TBX5: variants seen among roughly 807,000 people sequenced by gnomAD.
TBX5 encodes the protein T-box transcription factor TBX5.
In TBX5, 8 loss-of-function variants were observed where a neutral mutation model predicts 51.1. The ratio of observed to expected loss-of-function variants is 0.16; its 90% confidence interval spans 0.09 to 0.28. TBX5 has a LOEUF of 0.28. Among genes scored for constraint, TBX5 ranks in the 10% least tolerant of loss-of-function variants. TBX5 has a pLI of 1.00. For missense variants in TBX5, 589 were observed against 671.7 expected (o/e 0.88, Z 1.36); for synonymous variants, 302 against 266.4 (o/e 1.13, Z -1.30).
chr12:114,394,687 T>C (rs1004871941), intron 6 of TBX5, 54 bp downstream of exon 6: 184 of 1,612,460 alleles, frequency 1.1e-4, no homozygotes, highest in Non-Finnish European at 1.5e-4. Flanking sequence ...TGCAGATTCA[T>C]GCAAAAGAAA....
upstream of TBX5, chr12:114,408,045 GAGGCAACC>G (rs1280247336): frequency 1.0e-6 from 1 of 985,316 alleles, no homozygotes; most frequent in Non-Finnish European, 1.2e-6. Context: ...GTAAAATAAA[GAGGCAACC>G]AGGCGATAGC....
At chr12:114,361,376 A>G (rs111989357) in intron 8 of TBX5, among the ~76,000 whole-genome samples, 247 of 152,322 alleles carry the variant, frequency 1.6e-3, no homozygotes, top group African/African-American at 5.5e-3. Flanking sequence ...TATCTGATTC[A>G]GCTCATGGCT....
intron 8 of TBX5, among the ~76,000 whole-genome samples, chr12:114,358,536 A>C (rs560349693): frequency 2.0e-5 from 3 of 152,140 alleles, no homozygotes; most frequent in African/African-American, 7.2e-5. Flanking sequence ...GTATCCACAA[A>C]CAAAACATAT....
At chr12:114,397,200 G>A (rs1871480276) in intron 5 of TBX5, among the ~76,000 whole-genome samples, 1 of 151,684 alleles carries the variant, frequency 6.6e-6, no homozygotes, top group East Asian at 1.9e-4. Context: ...CCCTGAAATC[G>A]GCGACCATGC....
chr12:114,407,852 A>G (rs888795641), upstream of TBX5: 42 of 985,450 alleles, frequency 4.3e-5, no homozygotes, highest in African/African-American at 7.1e-4. Flanking sequence ...CGCAAAAGCC[A>G]GGAGTGCGCC....
chr12:114,369,811 A>AATC (rs1235861846), intron 7 of TBX5, among the ~76,000 whole-genome samples: 5 of 151,050 alleles, frequency 3.3e-5, no homozygotes, highest in African/African-American at 1.2e-4. Context: ...CTCTTTTTTT[A>AATC]ATCATCATCA....
chr12:114,404,603 T>C (rs113306626), intron 1 of TBX5, among the ~76,000 whole-genome samples: 1,732 of 152,174 alleles, frequency 0.011, 25 homozygotes, highest in African/African-American at 0.04. Flanking sequence ...CTTTTCTTTA[T>C]CCCAACCTTA....
chr12:114,366,336 G>T lies in TBX5; in HGVS notation c.811C>A (p.His271Asn). The T allele has an allele frequency of 6.2e-7, 1 of 1,614,086 alleles. No homozygotes were observed. The highest frequency in any genetic ancestry group is 8.5e-7 in the Non-Finnish European group (1 of 1,180,016). ...CGAGACTCGCTGCTGAAAGGACTGT[G>T]GTTGGAGGCCACTTTTTGCCTCACG... Reference protein sequence around the residue: ...STVRQKVASNHSPFSSESRAL... With the variant: ...STVRQKVASNNSPFSSESRAL... Residue 271 changes from histidine to asparagine, a missense_variant, in exon 8 of 9, where the codon CAC (histidine) becomes AAC (asparagine). Coordinates refer to ENST00000405440, the MANE Select transcript of TBX5 (RefSeq NM_181486.4).
chr12:114,369,562 G>A (rs1179515459), intron 7 of TBX5, among the ~76,000 whole-genome samples: 1 of 152,156 alleles, frequency 6.6e-6, no homozygotes, highest in African/African-American at 2.4e-5. Context: ...GAAAGAAAAT[G>A]TTAGAATCAA....
chr12:114,382,059 G>A (rs1362667143), intron 7 of TBX5, among the ~76,000 whole-genome samples: 1 of 152,186 alleles, frequency 6.6e-6, no homozygotes, highest in Non-Finnish European at 1.5e-5. Flanking sequence ...AGATGGTTAG[G>A]ACAGCCAATT....
intron 6 of TBX5, among the ~76,000 whole-genome samples, chr12:114,394,359 C>A (rs1231401411): frequency 1.3e-5 from 2 of 152,214 alleles, no homozygotes; most frequent in Non-Finnish European, 1.5e-5. Flanking sequence ...AGAAAACTGA[C>A]CCCAGCAGAA....
chr12:114,401,903 T>A lies in TBX5; in HGVS notation c.165A>T (p.Lys55Asn). Reference sequence around the variant, plus strand: ...ACAGTTCTCTTTCATGGAGAAACACTTTGATTCCCTCCATGCCCTGCAAGA... The same window carrying A: ...ACAGTTCTCTTTCATGGAGAAACACATTGATTCCCTCCATGCCCTGCAAGA... ...AFTQQGMEGIKVFLHERELWL... is the reference protein window; with the variant it reads ...AFTQQGMEGINVFLHERELWL... Residue 55 changes from lysine (K) to asparagine (N), a missense_variant, in exon 3 of 9, where the codon AAA becomes AAT. Physicochemically the swap from Lys to Asn is moderately conservative, Grantham distance 94. Coordinates refer to ENST00000405440, the MANE Select transcript of TBX5 (RefSeq NM_181486.4). The A allele has an allele frequency of 6.2e-7, 1 of 1,614,186 alleles. No homozygotes were observed. The highest frequency in any genetic ancestry group is 8.5e-7 in the Non-Finnish European group (1 of 1,180,028).
intron 8 of TBX5, among the ~76,000 whole-genome samples, chr12:114,364,416 G>T (rs1869400532): frequency 6.6e-6 from 1 of 152,112 alleles, no homozygotes; most frequent in African/African-American, 2.4e-5. Flanking sequence ...TGACATCTCT[G>T]CACCAAGCCT....
At chr12:114,398,785 G>A in intron 4 of TBX5, 65 bp from the exon 5 acceptor site, 1 of 1,552,486 alleles carries the variant, frequency 6.4e-7, no homozygotes, top group Non-Finnish European at 8.7e-7. Context: ...CTGCACCGAA[G>A]CGTGCTTCAG....
intron 6 of TBX5, among the ~76,000 whole-genome samples, chr12:114,389,659 C>T (rs1871041814): frequency 7.2e-6 from 1 of 139,214 alleles, no homozygotes; most frequent in African/African-American, 2.7e-5. Flanking sequence ...GAGGCTGAGG[C>T]AGGAGAATGG....
intron 7 of TBX5, among the ~76,000 whole-genome samples, 191 bp downstream of exon 7, chr12:114,385,285 C>T (rs978444735): frequency 3.3e-5 from 5 of 152,170 alleles, no homozygotes; most frequent in Admixed American, 1.3e-4. Context: ...CTCCAGGTTG[C>T]CCAATGGCGC....
intron 7 of TBX5, among the ~76,000 whole-genome samples, chr12:114,380,012 G>C (rs961703314): frequency 6.6e-6 from 1 of 152,064 alleles, no homozygotes; most frequent in African/African-American, 2.4e-5. Flanking sequence ...CTGGCTTTCA[G>C]AGATCTTCAG....
chr12:114,391,839 G>A (rs1435236682), intron 6 of TBX5, among the ~76,000 whole-genome samples: 1 of 152,146 alleles, frequency 6.6e-6, no homozygotes, highest in East Asian at 1.9e-4. Context: ...GTTTGCAGGG[G>A]CCCTGCACTT....
At chr12:114,404,531 T>G (rs1872071735) in intron 1 of TBX5, among the ~76,000 whole-genome samples, 1 of 152,102 alleles carries the variant, frequency 6.6e-6, no homozygotes, top group African/African-American at 2.4e-5. Context: ...CAAAAGAGAA[T>G]TCATATACAC....
Sources: gnomAD v4.1 joint callset for allele counts (sites outside exome capture counted in the v4.1 genomes callset) on GRCh38, gnomAD v4.1.1 for gene constraint, MANE v1.5 for transcripts, NCBI Gene and HGNC (gene_info 2026-07-23, HGNC 2026-07-21) for gene names.